Variants in RANBP2 observed in about 807,000 individuals in gnomAD.
RANBP2 encodes the protein RAN binding protein 2.
A neutral mutation model predicts 303.6 loss-of-function variants in RANBP2; 57 were observed. The observed-to-expected ratio is 0.19, with a 90% CI of 0.15 to 0.23. The LOEUF (loss-of-function observed/expected upper bound fraction) is 0.23, where lower values mean the gene tolerates loss of function less well. RANBP2 is among the 10% of genes least tolerant of loss of function. RANBP2 has a pLI of 1.00. For synonymous variants in RANBP2, 1,167 were observed against 1,301.5 expected (o/e 0.90, Z 2.23); for missense variants, 3,138 against 3,780.8 (o/e 0.83, Z 4.46).
At chr2:109,526,349 C>T in the RANBP2 span, among the ~76,000 whole-genome samples, 2 of 152,098 alleles carry the variant, frequency 1.3e-5, no homozygotes, top group Non-Finnish European at 1.5e-5. Context: ...ATTCTGTCGC[C>T]CAAGCTGGAG....
the RANBP2 span, chr2:108,873,502 C>G: frequency 1.2e-6 from 2 of 1,609,616 alleles, no homozygotes; most frequent in East Asian, 2.2e-5. Context: ...TTTTTTCGTA[C>G]TTGCTCTGTG....
intron 5 of RANBP2, 93 bp from the exon 6 acceptor site, chr2:108,736,011 G>GT (rs1558881556): frequency 6.2e-7 from 1 of 1,609,630 alleles, no homozygotes; most frequent in Non-Finnish European, 8.5e-7. Flanking sequence ...CACAAATGTG[G>GT]TTGGAGTGAG....
chr2:109,053,932 G>T, the RANBP2 span, among the ~76,000 whole-genome samples: 1 of 152,086 alleles, frequency 6.6e-6, no homozygotes, highest in Non-Finnish European at 1.5e-5. Flanking sequence ...GAGGGCACCA[G>T]GGGCATTGTC....
chr2:109,518,870 T>C, the RANBP2 span, among the ~76,000 whole-genome samples: 3 of 150,482 alleles, frequency 2.0e-5, no homozygotes, highest in Non-Finnish European at 2.9e-5. Flanking sequence ...ATATTTTACA[T>C]GGCCCCAGCA....
chr2:108,899,644 C>T, the RANBP2 span, among the ~76,000 whole-genome samples: 8 of 152,172 alleles, frequency 5.3e-5, no homozygotes, highest in Admixed American at 2.0e-4. Flanking sequence ...GGTAAAGGGA[C>T]ATAGAGAAAG....
At chr2:109,375,526 G>A in the RANBP2 span, among the ~76,000 whole-genome samples, 1 of 152,192 alleles carries the variant, frequency 6.6e-6, no homozygotes, top group African/African-American at 2.4e-5. Context: ...CACTCCACCG[G>A]GCCTTCCTTC....
chr2:109,346,343 C>T, the RANBP2 span, among the ~76,000 whole-genome samples: 1 of 152,202 alleles, frequency 6.6e-6, no homozygotes, highest in Non-Finnish European at 1.5e-5. Context: ...TGCCAACATG[C>T]TATTAAGTCC....
the RANBP2 span, among the ~76,000 whole-genome samples, chr2:109,672,605 T>G: frequency 6.6e-6 from 1 of 152,182 alleles, no homozygotes; most frequent in Admixed American, 6.5e-5. Context: ...GTATGAACTG[T>G]TTTTTTAAGG....
At chr2:109,339,280 TG>T in the RANBP2 span, among the ~76,000 whole-genome samples, 1 of 103,460 alleles carries the variant, frequency 9.7e-6, no homozygotes, top group African/African-American at 3.7e-5. Context: ...AGCTGTTTTT[TG>T]GGGGGGTGGG....
At chr2:109,615,213 TCAGA>T in the RANBP2 span, 15 of 1,546,608 alleles carry the variant, frequency 9.7e-6, no homozygotes, top group Admixed American at 3.9e-5. Context: ...CGGGGGCGAC[TCAGA>T]CAGCGCATCG....
chr2:109,614,501 G>A, the RANBP2 span: 12 of 1,248,572 alleles, frequency 9.6e-6, no homozygotes, highest in Non-Finnish European at 1.1e-5. Flanking sequence ...TGGAGGGGCC[G>A]GCAGAGTGGG....
At chr2:109,640,558 G>T in the RANBP2 span, among the ~76,000 whole-genome samples, 2 of 152,052 alleles carry the variant, frequency 1.3e-5, no homozygotes, top group African/African-American at 2.4e-5. Flanking sequence ...TGTGTTTCAG[G>T]GTCCCTTTTC....
At chr2:108,738,001 A>C (rs1230541432) in intron 6 of RANBP2, among the ~76,000 whole-genome samples, 7 of 150,904 alleles carry the variant, frequency 4.6e-5, no homozygotes, top group African/African-American at 1.7e-4. Context: ...GGCGTGAGCC[A>C]CCGCGCCCAG....
At chr2:109,008,877 T>TG in the RANBP2 span, among the ~76,000 whole-genome samples, 2 of 142,452 alleles carry the variant, frequency 1.4e-5, no homozygotes, top group Non-Finnish European at 3.1e-5. Context: ...CCAGCCTGGG[T>TG]GACAGAGCAA....
the RANBP2 span, among the ~76,000 whole-genome samples, chr2:109,612,171 G>A: frequency 6.6e-6 from 1 of 151,448 alleles, no homozygotes; most frequent in South Asian, 2.1e-4. Context: ...TGAATCTCCA[G>A]AACTTTGCTG....
At chr2:109,146,556 C>T in the RANBP2 span, among the ~76,000 whole-genome samples, 1 of 152,062 alleles carries the variant, frequency 6.6e-6, no homozygotes, top group Non-Finnish European at 1.5e-5. Context: ...TCCAAGAAGC[C>T]TACCTCTGAA....
intron 4 of RANBP2, among the ~76,000 whole-genome samples, chr2:108,732,949 G>A (rs569300156): frequency 5.9e-5 from 9 of 152,154 alleles, no homozygotes; most frequent in East Asian, 1.9e-4. Context: ...TCAGCCTTCC[G>A]GGTAGCTGGG....
At chr2:109,615,016 T>G in the RANBP2 span, 2 of 1,546,042 alleles carry the variant, frequency 1.3e-6, no homozygotes, top group South Asian at 2.4e-5. Flanking sequence ...AGCGAGGACC[T>G]GGAGCTCCCG....
the RANBP2 span, among the ~76,000 whole-genome samples, chr2:109,507,335 G>A: frequency 5.3e-5 from 8 of 152,284 alleles, no homozygotes; most frequent in East Asian, 1.9e-4. Flanking sequence ...GCAGTCTGTC[G>A]GAGTTCTCTT....
Sources: allele counts gnomAD v4.1 joint callset (sites outside exome capture counted in the v4.1 genomes callset), GRCh38; gene constraint gnomAD v4.1.1; transcripts MANE v1.5; gene names NCBI Gene and HGNC (gene_info 2026-07-23, HGNC 2026-07-21).